Variants in CACNA2D3 observed in about 807,000 individuals in gnomAD.
CACNA2D3 encodes the protein calcium voltage-gated channel auxiliary subunit alpha2delta 3.
In CACNA2D3, 60 loss-of-function variants were observed where a neutral mutation model predicts 160.6. The ratio of observed to expected loss-of-function variants is 0.37; its 90% confidence interval spans 0.30 to 0.46. The LOEUF is 0.46. CACNA2D3 is among the 20% of genes least tolerant of loss of function. The pLI is 1.00. For missense variants in CACNA2D3, 1,205 were observed against 1,365.0 expected (o/e 0.88, Z 1.85); for synonymous variants, 558 against 492.9 (o/e 1.13, Z -1.75).
chr3:54,808,382 A>G (rs1299424951), intron 13 of CACNA2D3, among the ~76,000 whole-genome samples: 1 of 151,452 alleles, frequency 6.6e-6, no homozygotes, highest in Non-Finnish European at 1.5e-5. Flanking sequence ...TGTTGACTTC[A>G]CTCTTAGGCC....
intron 13 of CACNA2D3, 44 bp from the exon 14 acceptor site, chr3:54,816,809 A>T: frequency 6.2e-7 from 1 of 1,607,300 alleles, no homozygotes; most frequent in South Asian, 1.1e-5. Flanking sequence ...TTATATAATG[A>T]TCAACTTTTT....
chr3:54,675,123 A>G (rs1700217445), intron 11 of CACNA2D3, among the ~76,000 whole-genome samples: 2 of 152,102 alleles, frequency 1.3e-5, no homozygotes, highest in African/African-American at 4.8e-5. Flanking sequence ...ACATTTTTGG[A>G]TTTGGCAATA....
At chr3:54,891,892 C>T (rs1016318157) in intron 25 of CACNA2D3, among the ~76,000 whole-genome samples, 1 of 152,176 alleles carries the variant, frequency 6.6e-6, no homozygotes, top group Non-Finnish European at 1.5e-5. Flanking sequence ...ACTAATAAAC[C>T]TCTGCCTCTG....
intron 11 of CACNA2D3, among the ~76,000 whole-genome samples, chr3:54,648,411 T>C (rs1364291623): frequency 6.6e-6 from 1 of 152,226 alleles, no homozygotes; most frequent in African/African-American, 2.4e-5. Context: ...CCGTGAAGCC[T>C]GAAAAATTTA....
In CACNA2D3 at chr3:54,216,700, G is replaced by A. The variant is rs752863713; in HGVS notation, c.204+93106G>A. Among the ~76,000 whole-genome samples the A allele has an allele frequency of 7.8e-4, 118 of 152,216 alleles. 1 individual carries two copies. Among genetic ancestry groups the A allele is most frequent in the Non-Finnish European group, 2.9e-4 (20 of 68,040 alleles). On this transcript the variant is annotated intron_variant, in intron 2 of 37. Coordinates refer to ENST00000474759, the MANE Select transcript of CACNA2D3 (RefSeq NM_018398.3). ...AGTGATTTAACTGAGCACACTTGAA[G>A]GACACCCAGGAGTAATGCATTAACT... is the stretch of plus-strand genomic sequence containing the variant.
At chr3:54,589,150 T>C (rs1702814145) in intron 9 of CACNA2D3, among the ~76,000 whole-genome samples, 1 of 151,964 alleles carries the variant, frequency 6.6e-6, no homozygotes. Flanking sequence ...CACAAGAGAA[T>C]GTGGCATTAG....
At chr3:54,415,582 A>G (rs1182936327) in intron 4 of CACNA2D3, among the ~76,000 whole-genome samples, 1 of 152,220 alleles carries the variant, frequency 6.6e-6, no homozygotes, top group Non-Finnish European at 1.5e-5. Flanking sequence ...TAATAATACT[A>G]ATAGGATATA....
At chr3:54,967,425 C>T (rs1702178832) in intron 27 of CACNA2D3, among the ~76,000 whole-genome samples, 1 of 151,830 alleles carries the variant, frequency 6.6e-6, no homozygotes, top group South Asian at 2.1e-4. Flanking sequence ...ATGGGTGTTC[C>T]AGTTTTATTT....
intron 5 of CACNA2D3, among the ~76,000 whole-genome samples, chr3:54,513,995 C>G (rs1427683184): frequency 6.6e-6 from 1 of 152,188 alleles, no homozygotes; most frequent in Non-Finnish European, 1.5e-5. Flanking sequence ...TATATGCACA[C>G]TTTATATGTG....
At chr3:54,793,790 T>A (rs1000717939) in intron 13 of CACNA2D3, among the ~76,000 whole-genome samples, 1 of 152,218 alleles carries the variant, frequency 6.6e-6, no homozygotes, top group Admixed American at 6.5e-5. Flanking sequence ...AAACATGTTT[T>A]TGTTAGATTG....
rs149840464 is a variant in CACNA2D3 at position 55,014,830 on chromosome 3, A to G, written c.2876-3376A>G. On this transcript the variant is annotated intron_variant, in intron 34 of 37. Transcript: ENST00000474759. ...TAGATAAATAGTAGCAACTGCACAT[A>G]TATGTGGTGTTTTCCATAGCACTCT... Among the ~76,000 whole-genome samples the G allele has an allele frequency of 4.8e-3, 727 of 152,322 alleles. 5 individuals are homozygous for G. The highest frequency in any genetic ancestry group is 0.016 in the African/African-American group (685 of 41,582).
chr3:54,528,144 G>A (rs1035586948), intron 5 of CACNA2D3, among the ~76,000 whole-genome samples: 4 of 152,082 alleles, frequency 2.6e-5, no homozygotes, highest in Admixed American at 2.6e-4. Context: ...AAACCCAGGA[G>A]ATGTTGGTGT....
At chr3:55,064,522 C>T (rs925309111) in intron 35 of CACNA2D3, among the ~76,000 whole-genome samples, 2 of 152,144 alleles carry the variant, frequency 1.3e-5, no homozygotes, top group East Asian at 1.9e-4. Flanking sequence ...CCTCAACCAC[C>T]CCCTCCTCAC....
At chr3:54,327,693 G>A (rs1461056668) in intron 3 of CACNA2D3, among the ~76,000 whole-genome samples, 1 of 152,150 alleles carries the variant, frequency 6.6e-6, no homozygotes, top group African/African-American at 2.4e-5. Context: ...AAATGAAAAA[G>A]GGGAAAGGAA....
chr3:54,146,262 A>C (rs1474891888), intron 2 of CACNA2D3, among the ~76,000 whole-genome samples: 1 of 152,038 alleles, frequency 6.6e-6, no homozygotes, highest in Non-Finnish European at 1.5e-5. Flanking sequence ...ACTGTTATGA[A>C]TTTGTTGGCT....
At chr3:54,451,147 C>T (rs1282419571) in intron 4 of CACNA2D3, among the ~76,000 whole-genome samples, 3 of 147,568 alleles carry the variant, frequency 2.0e-5, no homozygotes, top group Admixed American at 6.8e-5. Context: ...CCTTCTCTGG[C>T]TTATGAATCT....
At chr3:54,126,876 C>A (rs1699603679) in intron 2 of CACNA2D3, among the ~76,000 whole-genome samples, 1 of 152,194 alleles carries the variant, frequency 6.6e-6, no homozygotes, top group South Asian at 2.1e-4. Flanking sequence ...TATTCAGCTG[C>A]CTTTATCTTG....
At chr3:54,187,523 G>A (rs1700898767) in intron 2 of CACNA2D3, among the ~76,000 whole-genome samples, 1 of 152,106 alleles carries the variant, frequency 6.6e-6, no homozygotes, top group Admixed American at 6.5e-5. Flanking sequence ...AGCACTGTGG[G>A]GTGTGGAGGA....
At chr3:54,736,710 T>C (rs188701229) in intron 11 of CACNA2D3, among the ~76,000 whole-genome samples, 139 of 152,332 alleles carry the variant, frequency 9.1e-4, no homozygotes, top group African/African-American at 3.0e-3. Flanking sequence ...ATGGGTAGTA[T>C]TCTGGGATCT....
Sources: gnomAD v4.1 joint callset for allele counts (sites outside exome capture counted in the v4.1 genomes callset) on GRCh38, gnomAD v4.1.1 for gene constraint, MANE v1.5 for transcripts, NCBI Gene and HGNC (gene_info 2026-07-23, HGNC 2026-07-21) for gene names.